The following POU2F3 variants were observed in gnomAD, a reference collection of about 807,000 sequenced individuals.
POU2F3 encodes the protein POU domain, class 2, transcription factor 3.
POU2F3 carries 23 observed loss-of-function variants against 59.2 expected under a neutral mutation model. That is an observed-to-expected ratio of 0.39 (90% CI 0.28 to 0.55). The LOEUF (loss-of-function observed/expected upper bound fraction) is 0.55, where lower values mean the gene tolerates loss of function less well. Ranked by LOEUF, POU2F3 falls within the 20% of genes least tolerant of loss-of-function variation. The probability of loss-of-function intolerance (pLI) is 0.66; values close to 1 mark genes in which losing one functional copy is unlikely to be tolerated. For synonymous variants in POU2F3, 190 were observed against 214.6 expected (o/e 0.89, Z 1.00); for missense variants, 473 against 544.5 (o/e 0.87, Z 1.31).
At chr11:120,286,613 G>A (rs898049113) in intron 3 of POU2F3, among the ~76,000 whole-genome samples, 5 of 152,114 alleles carry the variant, frequency 3.3e-5, no homozygotes, top group African/African-American at 9.7e-5. Flanking sequence ...TGTTAGTACC[G>A]CCTATCCTAT....
chr11:120,277,673 T>C (rs1940390260), intron 3 of POU2F3, among the ~76,000 whole-genome samples: 1 of 151,726 alleles, frequency 6.6e-6, no homozygotes, highest in Admixed American at 6.6e-5. Flanking sequence ...ACCCAGCTAC[T>C]CAGGAGGGTG....
chr11:120,305,979 C>G (rs892762192), intron 8 of POU2F3, among the ~76,000 whole-genome samples, 194 bp downstream of exon 8: 1 of 152,130 alleles, frequency 6.6e-6, no homozygotes, highest in African/African-American at 2.4e-5. Flanking sequence ...TACTGAGAAG[C>G]CCTCAGAAGG....
chr11:120,292,914 T>C (rs537882438), intron 3 of POU2F3, among the ~76,000 whole-genome samples: 1 of 152,324 alleles, frequency 6.6e-6, no homozygotes, highest in African/African-American at 2.4e-5. Flanking sequence ...TGAAGGGGTT[T>C]TTCATGCATG....
intron 4 of POU2F3, among the ~76,000 whole-genome samples, chr11:120,298,599 A>G (rs1164267231): frequency 6.6e-6 from 1 of 152,092 alleles, no homozygotes; most frequent in Non-Finnish European, 1.5e-5. Flanking sequence ...CTTCTCAGAG[A>G]CAAAAAGGAC....
At position 120,317,250 on chromosome 11, in the gene POU2F3, G is replaced by A. The variant is rs1339208312; in HGVS notation, c.1157G>A (p.Gly386Glu). The change falls in exon 12 of 13, where the codon GGG becomes GAG. Residue 386 changes from glycine (G) to glutamate (E), a missense_variant. Gly to Glu is a moderately conservative substitution (Grantham distance 98, BLOSUM62 -2). Transcript: ENST00000543440. ...PGTVTSSCSP[G>E]NNSRPSSPGS... is the part of the protein sequence containing the mutation. The stretch of plus-strand genomic sequence containing the variant: ...TCAGTAACGTCATCCTGTTCCCCTG[G>A]GAACAACAGCAGGCCTTCATCTCCT... 2 of 1,613,934 alleles carry A rather than the reference G, an allele frequency of 1.2e-6. No homozygotes were observed. The highest frequency in any genetic ancestry group is 3.3e-5 in the Admixed American group (2 of 59,990).
chr11:120,240,405 T>A, intron 1 of POU2F3, 34 bp downstream of exon 1: 1 of 1,376,560 alleles, frequency 7.3e-7, no homozygotes, highest in Non-Finnish European at 9.5e-7. Context: ...CTGACAGGTG[T>A]CACTGCGCGT....
At chr11:120,251,103 G>A (rs1432614329) in intron 2 of POU2F3, among the ~76,000 whole-genome samples, 1 of 152,128 alleles carries the variant, frequency 6.6e-6, no homozygotes, top group African/African-American at 2.4e-5. Flanking sequence ...GAGTAACTGG[G>A]ACTACAGGTA....
intron 2 of POU2F3, among the ~76,000 whole-genome samples, chr11:120,251,900 T>C (rs1277111615): frequency 6.8e-6 from 1 of 147,464 alleles, no homozygotes; most frequent in Non-Finnish European, 1.5e-5. Flanking sequence ...GTTCAAGCAA[T>C]TCTCCTGCCT....
intron 1 of POU2F3, among the ~76,000 whole-genome samples, 184 bp from the exon 2 acceptor site, chr11:120,246,264 GA>G (rs1205260746): frequency 6.6e-6 from 1 of 152,170 alleles, no homozygotes; most frequent in East Asian, 1.9e-4. Context: ...GCGAGCATGG[GA>G]GGAGGGGATC....
chr11:120,275,400 T>C (rs950473543), intron 3 of POU2F3, among the ~76,000 whole-genome samples: 3 of 152,082 alleles, frequency 2.0e-5, no homozygotes, highest in African/African-American at 7.2e-5. Context: ...TCCACTCCAT[T>C]TCCTGCTCTT....
intron 3 of POU2F3, among the ~76,000 whole-genome samples, chr11:120,292,382 A>G (rs1422632122): frequency 6.6e-6 from 1 of 151,740 alleles, no homozygotes; most frequent in African/African-American, 2.4e-5. Flanking sequence ...AAAAACAAAA[A>G]AAAAGTGTGA....
intron 10 of POU2F3, among the ~76,000 whole-genome samples, chr11:120,313,729 C>T (rs973719595): frequency 2.0e-5 from 3 of 152,150 alleles, no homozygotes; most frequent in African/African-American, 2.4e-5. Flanking sequence ...AAAACAACAA[C>T]AAAGCCAGGC....
intron 6 of POU2F3, among the ~76,000 whole-genome samples, chr11:120,304,526 A>G (rs1362355811): frequency 6.6e-6 from 1 of 152,188 alleles, no homozygotes; most frequent in African/African-American, 2.4e-5. Context: ...GGAAAGTTCT[A>G]TGAAGGCCAT....
rs559865005 is a variant in POU2F3, at chr11:120,285,546, C to A, written c.133-12719C>A. On this transcript the variant is annotated intron_variant, in intron 3 of 12. Coordinates refer to ENST00000543440, the MANE Select transcript of POU2F3 (RefSeq NM_014352.4). The surrounding 1 kb of genome is among the most constrained non-coding windows in gnomAD (Gnocchi z 4.3). ...ATGCCTTCCTTAAACCAGTTATATACTTAATACATGAATACTTTCCGGTTA... is the reference window on the plus strand; with the variant it reads ...ATGCCTTCCTTAAACCAGTTATATAATTAATACATGAATACTTTCCGGTTA... Among the ~76,000 whole-genome samples the A allele has an allele frequency of 6.6e-6, 1 of 152,102 alleles. No individual in the cohort carries two copies. Among genetic ancestry groups the A allele is most frequent in the Non-Finnish European group, 1.5e-5 (1 of 68,028 alleles).
rs1172032894 is a variant in POU2F3, at chr11:120,318,690, T to C, written c.*298T>C. 5.4e-6 allele frequency: 2 copies of C among 371,744 alleles called. No individual in the cohort carries two copies. The highest frequency in any genetic ancestry group is 4.8e-6 in the Non-Finnish European group (1 of 208,124). The allele number at this position is 371,744 out of a possible 1,614,324, so 23.0% of individuals were successfully genotyped here. Reference sequence around the variant, plus strand: ...TTCCAAATATTTTAGCCAGCTTCACTGTGGCAATAGTCTTTCAGAGAAAAG... The same window carrying C: ...TTCCAAATATTTTAGCCAGCTTCACCGTGGCAATAGTCTTTCAGAGAAAAG... On this transcript the variant is annotated 3_prime_UTR_variant, in exon 13 of 13. Coordinates refer to ENST00000543440, the MANE Select transcript of POU2F3 (RefSeq NM_014352.4).
rs370809045 is a variant in POU2F3, at chr11:120,279,624, G to A, written c.132+10380G>A. ...TGGTAAACGTGTTTGTTTTTGGAGA[G>A]GTGGGAATTTGTCCTCTTTTGCCAG... On this transcript the variant is annotated intron_variant, in intron 3 of 12. Coordinates refer to ENST00000543440, the MANE Select transcript of POU2F3 (RefSeq NM_014352.4). 9.8e-5 allele frequency among the ~76,000 whole-genome samples: 15 copies of A among 152,350 alleles called. No individual in the cohort carries two copies. In the East Asian group the frequency reaches 2.3e-3, roughly 24 times the overall value.
chr11:120,267,188 A>G (rs1421257910), intron 2 of POU2F3, among the ~76,000 whole-genome samples: 1 of 150,738 alleles, frequency 6.6e-6, no homozygotes, highest in Non-Finnish European at 1.5e-5. Context: ...GAGTGCAGTC[A>G]TGCGATCTCG....
intron 12 of POU2F3, among the ~76,000 whole-genome samples, 192 bp from the exon 13 acceptor site, chr11:120,318,161 C>T (rs537999323): frequency 1.2e-4 from 19 of 152,206 alleles, no homozygotes; most frequent in African/African-American, 4.6e-4. Flanking sequence ...TAAAATTCAC[C>T]GTTTTAAAGT....
intron 2 of POU2F3, among the ~76,000 whole-genome samples, chr11:120,255,187 G>A (rs1015865357): frequency 2.6e-5 from 4 of 152,114 alleles, no homozygotes; most frequent in Admixed American, 6.5e-5. Context: ...AAAAACCAGC[G>A]GTTGGCCTTG....
Sources: gnomAD v4.1 joint callset for allele counts (sites outside exome capture counted in the v4.1 genomes callset) on GRCh38, gnomAD v4.1.1 for gene constraint, Gnocchi (gnomAD v3.1) non-coding constraint, MANE v1.5 for transcripts, NCBI Gene and HGNC (gene_info 2026-07-23, HGNC 2026-07-21) for gene names.